Variants in CNBD1 observed in about 807,000 individuals in gnomAD.
CNBD1 encodes the protein cyclic nucleotide binding domain containing 1.
Under a neutral mutation model 54.4 loss-of-function variants are expected in CNBD1, and 71 were observed. The ratio of observed to expected loss-of-function variants is 1.30; its 90% CI spans 1.08 to 1.59. CNBD1 has a LOEUF of 1.59. CNBD1 is among the 40% of genes most tolerant of loss of function. The pLI is 0.00. For missense variants in CNBD1, 659 were observed against 518.0 expected, an observed-to-expected ratio of 1.27 and a Z score of -2.64; for synonymous variants, 182 against 170.7, an observed-to-expected ratio of 1.07 and a Z score of -0.51.
At chr8:87,386,571 G>A (rs375238214), downstream of CNBD1, among the ~76,000 whole-genome samples, 2 of 152,158 alleles carry the variant, frequency 1.3e-5, no homozygotes, top group South Asian at 4.2e-4. Flanking sequence ...AGAATAAAAA[G>A]AAATGAAAAA....
intron 4 of CNBD1, among the ~76,000 whole-genome samples, chr8:86,958,338 C>G (rs1050863581): frequency 1.3e-5 from 2 of 152,180 alleles, no homozygotes; most frequent in African/African-American, 4.8e-5. Context: ...CTGTAGGTGT[C>G]TATTAGGTCC....
chr8:87,095,762 A>G (rs1811305254), intron 4 of CNBD1, among the ~76,000 whole-genome samples: 1 of 152,074 alleles, frequency 6.6e-6, no homozygotes, highest in African/African-American at 2.4e-5. Context: ...GGTTTGTGCC[A>G]TTCTCCTGCC....
chr8:87,229,277 C>T (rs78284497), intron 5 of CNBD1, among the ~76,000 whole-genome samples: 1,562 of 152,126 alleles, frequency 0.01, 27 homozygotes, highest in African/African-American at 0.036. Context: ...CTCCTCCCCC[C>T]GATTTTTCTT....
chr8:87,322,150 T>G (rs925308044), intron 8 of CNBD1, among the ~76,000 whole-genome samples: 1 of 121,300 alleles, frequency 8.2e-6, no homozygotes, highest in African/African-American at 3.2e-5. Context: ...TTTTTATGGC[T>G]GCATAGTATT....
chr8:87,348,902 C>G (rs1365828360), intron 8 of CNBD1, among the ~76,000 whole-genome samples: 1 of 152,182 alleles, frequency 6.6e-6, no homozygotes, highest in Non-Finnish European at 1.5e-5. Flanking sequence ...TGTTTAATTT[C>G]TGTGAATCCT....
At chr8:87,183,285 C>T (rs1242639038) in intron 4 of CNBD1, among the ~76,000 whole-genome samples, 1 of 151,204 alleles carries the variant, frequency 6.6e-6, no homozygotes, top group Non-Finnish European at 1.5e-5. Context: ...CAGTACCATG[C>T]TGTTTTGGTT....
intron 8 of CNBD1, among the ~76,000 whole-genome samples, chr8:87,303,799 T>C (rs547683637): frequency 0.37 from 54,493 of 145,950 alleles, 10,371 homozygotes; most frequent in Middle Eastern, 0.44. Flanking sequence ...AGAAAAAAAA[T>C]AAACAACCCC....
intron 2 of CNBD1, among the ~76,000 whole-genome samples, chr8:87,425,588 T>G (rs1412803830): frequency 6.6e-6 from 1 of 152,066 alleles, no homozygotes; most frequent in African/African-American, 2.4e-5. Context: ...GTGTGAGGTG[T>G]CAGTGTGCCC....
intron 3 of CNBD1, among the ~76,000 whole-genome samples, chr8:86,934,316 G>T (rs570434845): frequency 4.3e-4 from 66 of 152,086 alleles, no homozygotes; most frequent in Non-Finnish European, 8.8e-4. Flanking sequence ...GCATTCATAT[G>T]TAAGGAACAT....
At chr8:87,029,530 G>A (rs528146788) in intron 4 of CNBD1, among the ~76,000 whole-genome samples, 3 of 152,182 alleles carry the variant, frequency 2.0e-5, no homozygotes, top group African/African-American at 4.8e-5. Flanking sequence ...TGCTCTCATA[G>A]AAAGGTAATA....
Position 87,402,055 on chromosome 8 carries a change from T to C in CNBD1, c.214-26491T>C, listed in dbSNP as rs186902515. Among the ~76,000 whole-genome samples the C allele has an allele frequency of 1.2e-3, 185 of 152,044 alleles. 1 individual carries two copies. Among genetic ancestry groups the C allele is most frequent in the Non-Finnish European group, 1.5e-4 (10 of 67,944 alleles). On this transcript the variant is annotated intron_variant, in intron 2 of 7. Transcript: ENST00000521593. Reference sequence around the variant, plus strand: ...TATAAAGTACTTACAGTTCTACATATCCAGGGAGACCTCACAATCATGGTG... The same window carrying C: ...TATAAAGTACTTACAGTTCTACATACCCAGGGAGACCTCACAATCATGGTG...
At chr8:87,381,895 C>A (rs1811082939) in intron 10 of CNBD1, among the ~76,000 whole-genome samples, 1 of 151,850 alleles carries the variant, frequency 6.6e-6, no homozygotes, top group Non-Finnish European at 1.5e-5. Context: ...TTCAGTTACA[C>A]AAGATGAATA....
chr8:87,326,637 C>T lies in CNBD1; in HGVS notation c.1043-25048C>T, dbSNP rs1809674852. ...TGCATTCTTCCCGTAGTTCTCGAGCCTTGGTTTTCAGCTCCATCAGCTCCT... is the reference window on the plus strand; with the variant it reads ...TGCATTCTTCCCGTAGTTCTCGAGCTTTGGTTTTCAGCTCCATCAGCTCCT... On this transcript the variant is annotated intron_variant, in intron 8 of 10. Transcript: ENST00000518476. 2.7e-5 allele frequency among the ~76,000 whole-genome samples: 3 copies of T among 112,428 alleles called. 1 individual carries two copies. The highest frequency in any genetic ancestry group is 1.0e-4 in the African/African-American group (3 of 30,060). 73.8% of individuals were successfully genotyped at this position (112,428 alleles called of 152,430 possible). A position where few individuals can be genotyped will look rare whatever the true frequency, so the allele number is the denominator to read the frequency against.
chr8:86,964,606 A>G lies in CNBD1; in HGVS notation c.431+24852A>G, dbSNP rs548957247. Among the ~76,000 whole-genome samples the G allele has an allele frequency of 3.8e-4, 58 of 152,350 alleles. No homozygotes were observed. In the South Asian group the frequency reaches 0.011, roughly 29 times the overall value. On this transcript the variant is annotated intron_variant, in intron 4 of 10. Coordinates refer to ENST00000518476, the MANE Select transcript of CNBD1 (RefSeq NM_173538.3). ...TAATTTGCTGTAAGCCCTGAAGAGA[A>G]AAGGGGACCCGAATCTAAATGGGAC...
At chr8:87,086,295 C>T (rs1385764446) in intron 4 of CNBD1, among the ~76,000 whole-genome samples, 1 of 152,222 alleles carries the variant, frequency 6.6e-6, no homozygotes, top group Non-Finnish European at 1.5e-5. Flanking sequence ...GCTTATGCTC[C>T]TCTGTCCTTG....
chr8:87,316,011 A>G (rs1809376717), intron 8 of CNBD1, among the ~76,000 whole-genome samples: 2 of 152,040 alleles, frequency 1.3e-5, no homozygotes, highest in South Asian at 4.1e-4. Flanking sequence ...AAAATTTAAA[A>G]ATCATAAAAT....
chr8:87,298,140 T>G (rs1808915288), intron 8 of CNBD1, among the ~76,000 whole-genome samples: 1 of 151,070 alleles, frequency 6.6e-6, no homozygotes, highest in Non-Finnish European at 1.5e-5. Flanking sequence ...AATCTGATTT[T>G]TATTATTGTT....
intron 9 of CNBD1, 58 bp from the exon 10 acceptor site, chr8:87,353,578 A>G (rs1810350256): frequency 1.8e-6 from 2 of 1,126,506 alleles, no homozygotes; most frequent in Admixed American, 4.7e-5. Flanking sequence ...TAAAAACAAT[A>G]CTGATTCATT....
intron 4 of CNBD1, among the ~76,000 whole-genome samples, chr8:86,979,134 A>G (rs568950207): frequency 3.6e-4 from 55 of 152,250 alleles, no homozygotes; most frequent in African/African-American, 1.3e-3. Flanking sequence ...AAAATTTTCA[A>G]AAAGTTTATA....
Sources: allele counts gnomAD v4.1 joint callset (sites outside exome capture counted in the v4.1 genomes callset), GRCh38; gene constraint gnomAD v4.1.1; transcripts MANE v1.5; gene names NCBI Gene and HGNC (gene_info 2026-07-23, HGNC 2026-07-21).